Variants in ARHGAP10 observed in about 807,000 individuals in gnomAD.
ARHGAP10 encodes the protein rho GTPase-activating protein 10.
In ARHGAP10, 87 loss-of-function variants were observed where a neutral mutation model predicts 108.6. That is an observed-to-expected ratio of 0.80 (90% CI 0.67 to 0.96). The LOEUF is 0.96. ARHGAP10 is among the 40% of genes least tolerant of loss of function. ARHGAP10 has a pLI of 0.00. For missense variants in ARHGAP10, 939 were observed against 954.5 expected, an observed-to-expected ratio of 0.98 and a Z score of 0.21; for synonymous variants, 347 against 341.1, an observed-to-expected ratio of 1.02 and a Z score of -0.19.
intron 1 of ARHGAP10, among the ~76,000 whole-genome samples, chr4:147,769,318 A>G (rs1012515760): frequency 2.6e-5 from 4 of 152,210 alleles, no homozygotes; most frequent in Non-Finnish European, 5.9e-5. Flanking sequence ...GTTGAGGAAG[A>G]AGGAAAAATG....
chr4:147,871,671 T>C (rs1734828584), intron 7 of ARHGAP10, among the ~76,000 whole-genome samples: 1 of 152,222 alleles, frequency 6.6e-6, no homozygotes, highest in African/African-American at 2.4e-5. Flanking sequence ...TTGTAACGTT[T>C]GGGGTCTAAC....
At chr4:147,893,855 T>C (rs1735885129) in intron 10 of ARHGAP10, among the ~76,000 whole-genome samples, 1 of 152,054 alleles carries the variant, frequency 6.6e-6, no homozygotes, top group Admixed American at 6.6e-5. Context: ...AAACAGCATT[T>C]CTAGTATATA....
At chr4:147,924,425 T>C (rs900043672) in intron 13 of ARHGAP10, among the ~76,000 whole-genome samples, 1 of 152,212 alleles carries the variant, frequency 6.6e-6, no homozygotes, top group African/African-American at 2.4e-5. Context: ...ATCCACAGAA[T>C]AGAAATGAAG....
In ARHGAP10 at chr4:148,039,368, A is replaced by ATTTTTTTTTTTTTTT. The variant is rs34876546; in HGVS notation, c.1868-7509_1868-7495dup. On this transcript the variant is annotated intron_variant, in intron 19 of 22. Coordinates refer to ENST00000336498, the MANE Select transcript of ARHGAP10 (RefSeq NM_024605.4). ...TTAATACTTTAAGAATACTACTTCA[A>ATTTTTTTTTTTTTTT]TTTTTTTTTTTTTTTTTTTTTTTTT... Among the ~76,000 whole-genome samples the ATTTTTTTTTTTTTTT allele has an allele frequency of 2.7e-4, 20 of 73,090 alleles. 2 individuals carry two copies. The highest frequency in any genetic ancestry group is 5.7e-4 in the African/African-American group (10 of 17,676). 47.9% of individuals were successfully genotyped at this position (73,090 alleles called of 152,430 possible).
At chr4:147,829,217 A>AT (rs909127625) in intron 3 of ARHGAP10, among the ~76,000 whole-genome samples, 7 of 151,542 alleles carry the variant, frequency 4.6e-5, no homozygotes, top group African/African-American at 1.2e-4. Context: ...TGTCCGGCTA[A>AT]TTTTTTTTGT....
Position 147,741,051 on chromosome 4 carries a change from C to T in ARHGAP10, c.154+8596C>T, listed in dbSNP as rs114232707. Among the ~76,000 whole-genome samples the T allele has an allele frequency of 9.6e-3, 1,459 of 152,272 alleles. 32 individuals are homozygous for T. The highest frequency in any genetic ancestry group is 0.033 in the African/African-American group (1,374 of 41,556). Reference sequence around the variant, plus strand: ...TCCCTCTGAATATATTTGTGAGATTCATCCAATTGGATGTATGTAACTTTA... The same window carrying T: ...TCCCTCTGAATATATTTGTGAGATTTATCCAATTGGATGTATGTAACTTTA... On this transcript the variant is annotated intron_variant, in intron 1 of 22. Coordinates refer to ENST00000336498, the MANE Select transcript of ARHGAP10 (RefSeq NM_024605.4).
intron 10 of ARHGAP10, among the ~76,000 whole-genome samples, chr4:147,887,294 C>T (rs1480643259): frequency 6.6e-6 from 1 of 152,104 alleles, no homozygotes; most frequent in Non-Finnish European, 1.5e-5. Flanking sequence ...TGATGGAGGC[C>T]AACTCCTCTG....
chr4:147,818,082 A>G (rs1732325198), intron 1 of ARHGAP10, among the ~76,000 whole-genome samples: 1 of 151,810 alleles, frequency 6.6e-6, no homozygotes, highest in African/African-American at 2.4e-5. Flanking sequence ...TCCAGGACTT[A>G]TTACCAGCAG....
intron 1 of ARHGAP10, among the ~76,000 whole-genome samples, chr4:147,810,151 C>T (rs1731961895): frequency 6.6e-6 from 1 of 152,182 alleles, no homozygotes; most frequent in Non-Finnish European, 1.5e-5. Flanking sequence ...AAGATTCTCC[C>T]TTTTTTCTTC....
chr4:147,824,603 G>C (rs1228533632), intron 3 of ARHGAP10, among the ~76,000 whole-genome samples: 1 of 152,128 alleles, frequency 6.6e-6, no homozygotes, highest in Non-Finnish European at 1.5e-5. Flanking sequence ...AGTCATGGTG[G>C]TGGAAGGCAA....
At chr4:147,926,296 T>A (rs1310256396) in intron 13 of ARHGAP10, among the ~76,000 whole-genome samples, 1 of 152,036 alleles carries the variant, frequency 6.6e-6, no homozygotes, top group Non-Finnish European at 1.5e-5. Context: ...TTGCTTGAAT[T>A]TGGGGAGTAA....
chr4:147,910,897 C>T (rs1736701884), intron 12 of ARHGAP10, among the ~76,000 whole-genome samples: 1 of 152,080 alleles, frequency 6.6e-6, no homozygotes. Context: ...GGACAGGATG[C>T]CACAAGCAGC....
intron 19 of ARHGAP10, among the ~76,000 whole-genome samples, chr4:148,031,843 T>G (rs753926549): frequency 6.6e-6 from 1 of 152,164 alleles, no homozygotes; most frequent in Non-Finnish European, 1.5e-5. Flanking sequence ...CCAGGCCTGT[T>G]TTTTTATGAG....
At chr4:147,807,529 G>A (rs1374175531) in intron 1 of ARHGAP10, among the ~76,000 whole-genome samples, 1 of 151,998 alleles carries the variant, frequency 6.6e-6, no homozygotes, top group African/African-American at 2.4e-5. Context: ...TATTTTAAGT[G>A]TGTAAGTGAC....
intron 1 of ARHGAP10, among the ~76,000 whole-genome samples, chr4:147,758,467 T>C (rs1219936259): frequency 6.6e-6 from 1 of 152,142 alleles, no homozygotes; most frequent in African/African-American, 2.4e-5. Flanking sequence ...TTTTAGAACA[T>C]ATTCATCACC....
intron 11 of ARHGAP10, among the ~76,000 whole-genome samples, chr4:147,908,578 G>A (rs1388888986): frequency 6.6e-6 from 1 of 152,220 alleles, no homozygotes; most frequent in East Asian, 1.9e-4. Context: ...GGTGTTGTAA[G>A]CCTTGCAAAT....
At position 148,052,392 on chromosome 4, in the gene ARHGAP10, C is replaced by CTTTT. The variant is rs35449374; in HGVS notation, c.2027+5358_2027+5361dup. Among the ~76,000 whole-genome samples the CTTTT allele has an allele frequency of 6.1e-3, 551 of 90,640 alleles. 11 individuals are homozygous for CTTTT. The highest frequency in any genetic ancestry group is 0.023 in the African/African-American group (517 of 22,494). 59.5% of individuals were successfully genotyped at this position (90,640 alleles called of 152,430 possible). On this transcript the variant is annotated intron_variant, in intron 20 of 22. Coordinates refer to ENST00000336498, the MANE Select transcript of ARHGAP10 (RefSeq NM_024605.4). ...TTAAAAGTGTTTTTTTGCACATTTGCTTTTTTTTTTTTTTTTTTTTGGGCT... is the reference window on the plus strand; with the variant it reads ...TTAAAAGTGTTTTTTTGCACATTTGCTTTTTTTTTTTTTTTTTTTTTTTTGGGCT...
chr4:147,892,362 G>C (rs1268169145), intron 10 of ARHGAP10, among the ~76,000 whole-genome samples: 1 of 152,172 alleles, frequency 6.6e-6, no homozygotes, highest in Non-Finnish European at 1.5e-5. Context: ...GAGAATGTTT[G>C]TATAACACAT....
intron 20 of ARHGAP10, among the ~76,000 whole-genome samples, chr4:148,060,007 AGAGAGAGAGGGGAGAGAGAC>A (rs1472300797): frequency 9.6e-5 from 11 of 114,878 alleles, no homozygotes; most frequent in South Asian, 6.4e-4. Context: ...GAGAGAGAGG[AGAGAGAGAGGGGAGAGAGAC>A]GAGAGAGAGA....
Sources: allele counts gnomAD v4.1 joint callset (sites outside exome capture counted in the v4.1 genomes callset), GRCh38; gene constraint gnomAD v4.1.1; transcripts MANE v1.5; gene names NCBI Gene and HGNC (gene_info 2026-07-23, HGNC 2026-07-21).